MICU1: variants seen among roughly 807,000 people sequenced by gnomAD.
MICU1 encodes the protein calcium uptake protein 1, mitochondrial.
A neutral mutation model predicts 56.8 loss-of-function variants in MICU1; 45 were observed. That is an observed-to-expected ratio of 0.79 (90% CI 0.62 to 1.02). The LOEUF (loss-of-function observed/expected upper bound fraction) is 1.02. MICU1 is among the 50% of genes least tolerant of loss of function. The pLI is 0.00. For missense variants in MICU1, 504 were observed against 587.1 expected, an observed-to-expected ratio of 0.86 and a Z score of 1.46; for synonymous variants, 186 against 195.1, an observed-to-expected ratio of 0.95 and a Z score of 0.39.
chr10:72,375,001 G>A (rs1231925840), intron 11 of MICU1, among the ~76,000 whole-genome samples: 1 of 151,250 alleles, frequency 6.6e-6, no homozygotes, highest in African/African-American at 2.4e-5. Flanking sequence ...AATAGAGACG[G>A]GGTTTCACCA....
intron 11 of MICU1, among the ~76,000 whole-genome samples, chr10:72,371,813 T>C (rs1862353079): frequency 6.6e-6 from 1 of 151,906 alleles, no homozygotes; most frequent in South Asian, 2.1e-4. Flanking sequence ...CTCAGCACTT[T>C]GGGAGGTTGA....
At chr10:72,526,440 C>T (rs536684281) in intron 5 of MICU1, among the ~76,000 whole-genome samples, 3 of 152,206 alleles carry the variant, frequency 2.0e-5, no homozygotes, top group South Asian at 2.1e-4. Flanking sequence ...GGATTACAGG[C>T]GCCTGCCACC....
intron 8 of MICU1, among the ~76,000 whole-genome samples, chr10:72,425,903 G>A (rs756115753): frequency 8.5e-5 from 13 of 152,120 alleles, no homozygotes; most frequent in Non-Finnish European, 1.6e-4. Context: ...ACCTTCATTC[G>A]GGTTAAATTT....
intron 1 of MICU1, among the ~76,000 whole-genome samples, chr10:72,590,334 G>A (rs999556801): frequency 2.0e-5 from 3 of 151,972 alleles, no homozygotes; most frequent in Non-Finnish European, 4.4e-5. Flanking sequence ...ATCAATAAAA[G>A]GTTCAAAACA....
In MICU1 at chr10:72,453,888, T is replaced by G. The variant is rs182198033; in HGVS notation, c.933+21212A>C. On this transcript the variant is annotated intron_variant, in intron 8 of 11. Transcript: ENST00000361114. ...TTCGTTCTTGTCACCCAGGCTGGAG[T>G]GCAGTGGCGTGATCTCAGCTCACCG... Among the ~76,000 whole-genome samples the G allele has an allele frequency of 2.5e-3, 378 of 151,766 alleles. 4 individuals carry two copies. The highest frequency in any genetic ancestry group is 8.7e-3 in the African/African-American group (361 of 41,376).
intron 3 of MICU1, among the ~76,000 whole-genome samples, chr10:72,554,384 G>C (rs1840108591): frequency 6.6e-6 from 1 of 152,158 alleles, no homozygotes; most frequent in Non-Finnish European, 1.5e-5. Flanking sequence ...TCTTGCTGCA[G>C]GGATCAAACC....
chr10:72,615,757 G>A (rs551487228), intron 1 of MICU1, among the ~76,000 whole-genome samples: 88 of 152,218 alleles, frequency 5.8e-4, no homozygotes, highest in African/African-American at 2.0e-3. Context: ...TTGGGAGGCC[G>A]AGGAGGGTGG....
At chr10:72,451,024 C>CTTT (rs34430004) in intron 8 of MICU1, among the ~76,000 whole-genome samples, 4,149 of 114,950 alleles carry the variant, frequency 0.036, 207 homozygotes, top group Non-Finnish European at 0.055. Flanking sequence ...TCCCTTAAAT[C>CTTT]TTTTTTTTTT....
intron 9 of MICU1, among the ~76,000 whole-genome samples, chr10:72,415,653 A>C (rs1202808542): frequency 1.3e-5 from 2 of 152,172 alleles, no homozygotes; most frequent in African/African-American, 4.8e-5. Flanking sequence ...ATAAACCTCC[A>C]AACTTTTTAG....
chr10:72,478,872 TG>T (rs1866202234), intron 6 of MICU1, among the ~76,000 whole-genome samples: 1 of 152,212 alleles, frequency 6.6e-6, no homozygotes. Context: ...TGACCTCAAG[TG>T]ATCCTCCCAC....
At chr10:72,576,407 T>A (rs1336696842) in intron 1 of MICU1, among the ~76,000 whole-genome samples, 1 of 152,194 alleles carries the variant, frequency 6.6e-6, no homozygotes, top group Non-Finnish European at 1.5e-5. Context: ...TCAGGCTTAC[T>A]GCTGATGTGA....
intron 6 of MICU1, among the ~76,000 whole-genome samples, chr10:72,502,144 CTGTTTTTTTTTT>C (rs1169207135): frequency 1.0e-4 from 11 of 106,108 alleles, no homozygotes; most frequent in African/African-American, 1.9e-4. Flanking sequence ...CTTTGTTTTG[CTGTTTTTTTTTT>C]TGTTTTTTTT....
chr10:72,564,136 G>A (rs769805767), intron 2 of MICU1, among the ~76,000 whole-genome samples: 11 of 152,114 alleles, frequency 7.2e-5, no homozygotes, highest in Non-Finnish European at 1.2e-4. Context: ...CAGCCATAAT[G>A]GAGCAAACGA....
At chr10:72,407,302 G>C (rs778692119) in intron 10 of MICU1, among the ~76,000 whole-genome samples, 2 of 152,140 alleles carry the variant, frequency 1.3e-5, no homozygotes, top group African/African-American at 2.4e-5. Flanking sequence ...ATACGATCAA[G>C]CAAATATAGC....
chr10:72,422,393 G>A (rs1589199704), intron 9 of MICU1, among the ~76,000 whole-genome samples: 1 of 152,332 alleles, frequency 6.6e-6, no homozygotes, highest in East Asian at 1.9e-4. Flanking sequence ...CCAGTCTGTG[G>A]TATGTTGTTA....
chr10:72,533,046 T>G (rs894018073), intron 5 of MICU1: 8 of 1,289,656 alleles, frequency 6.2e-6, no homozygotes, highest in Middle Eastern at 2.1e-4. Flanking sequence ...CATTGTGCTT[T>G]GTAGAACCAT....
In MICU1 at chr10:72,475,433, A is replaced by C. The variant is rs1589257597; in HGVS notation, c.736-136T>G. On this transcript the variant is annotated intron_variant, in intron 7 of 11. Transcript: ENST00000361114. The stretch of plus-strand genomic sequence containing the variant: ...AATTATCTCTTTTAATGCTTACAAC[A>C]ATTTTTTTTTTTTGAGACAGAGTCT... 9.1e-6 allele frequency: 7 copies of C among 766,262 alleles called. No homozygotes were observed. In the East Asian group the frequency reaches 2.0e-4, roughly 22 times the overall value. 47.5% of individuals were successfully genotyped at this position (766,262 alleles called of 1,614,324 possible).
intron 1 of MICU1, among the ~76,000 whole-genome samples, chr10:72,575,313 C>CACAAAT (rs1417380995): frequency 4.6e-5 from 7 of 152,298 alleles, no homozygotes; most frequent in African/African-American, 1.7e-4. Flanking sequence ...CTGTAACTTT[C>CACAAAT]ACAAATATTT....
chr10:72,441,582 G>T (rs1589223476), intron 8 of MICU1, among the ~76,000 whole-genome samples: 3 of 139,496 alleles, frequency 2.2e-5, no homozygotes, highest in Admixed American at 7.2e-5. Flanking sequence ...AAAAAACCAA[G>T]TCAATATATT....
Sources: allele counts gnomAD v4.1 joint callset (sites outside exome capture counted in the v4.1 genomes callset), GRCh38; gene constraint gnomAD v4.1.1; transcripts MANE v1.5; gene names NCBI Gene and HGNC (gene_info 2026-07-23, HGNC 2026-07-21).